CLYBL: variants seen among roughly 807,000 people sequenced by gnomAD.
CLYBL encodes the protein citramalyl-CoA lyase, also known as citramalyl-CoA lyase, mitochondrial.
A neutral mutation model predicts 38.9 loss-of-function variants in CLYBL; 31 were observed. The ratio of observed to expected loss-of-function variants is 0.80; its 90% CI spans 0.60 to 1.08. CLYBL has a LOEUF of 1.08. Ranked by LOEUF, CLYBL falls within the 50% of genes least tolerant of loss-of-function variation. CLYBL has a pLI of 0.00. For missense variants in CLYBL, 434 were observed against 411.6 expected, an observed-to-expected ratio of 1.05 and a Z score of -0.47; for synonymous variants, 171 against 158.6, an observed-to-expected ratio of 1.08 and a Z score of -0.59.
chr13:99,613,515 A>G (rs1037315690), intron 1 of CLYBL, among the ~76,000 whole-genome samples: 5 of 152,086 alleles, frequency 3.3e-5, no homozygotes, highest in Non-Finnish European at 7.4e-5. Context: ...TACCGTGACA[A>G]CCACTACTGT....
chr13:99,631,735 A>T (rs1329990833), intron 1 of CLYBL, among the ~76,000 whole-genome samples: 2 of 152,002 alleles, frequency 1.3e-5, no homozygotes, highest in Non-Finnish European at 2.9e-5. Flanking sequence ...AGTAGCTGAG[A>T]CTACAGGCAC....
rs1030113644 is a variant in CLYBL, at chr13:99,732,306, G to A, written c.63-40518G>A. ...CAAGCCATCAGTCTTCCACCTCAGC[G>A]TCCCCCACCAACAAGTAGCTGGGAC... On this transcript the variant is annotated intron_variant, in intron 1 of 8. Transcript: ENST00000339105. Among the ~76,000 whole-genome samples, 16 of 150,636 alleles carry A rather than the reference G, an allele frequency of 1.1e-4. 1 individual carries two copies. The highest frequency in any genetic ancestry group is 3.9e-4 in the African/African-American group (16 of 40,932).
intron 1 of CLYBL, among the ~76,000 whole-genome samples, chr13:99,615,425 A>AT (rs1444042342): frequency 6.6e-6 from 1 of 152,196 alleles, no homozygotes; most frequent in Non-Finnish European, 1.5e-5. Flanking sequence ...GTTTAATTAA[A>AT]TTTTTTAACA....
chr13:99,614,131 A>C (rs1196103802), intron 1 of CLYBL, among the ~76,000 whole-genome samples: 1 of 152,140 alleles, frequency 6.6e-6, no homozygotes, highest in East Asian at 1.9e-4. Flanking sequence ...GGATGAGTGC[A>C]GGGCAGGATA....
chr13:99,606,757 T>C lies in CLYBL; in HGVS notation c.62T>C (p.Leu21Pro), dbSNP rs1214919834. Residue 21 changes from leucine (L) to proline (P), a missense_variant and splice_region_variant, in exon 1 of 9, where the codon CTG becomes CCG. Transcript: ENST00000339105. ...GCTGCGGCGGCGGCGCTGCTGAGGC[T>C]GTGAGTGCAGGTCCCCGTTCCCCGC... ...RGAAAAALLR[L>P]KASLAADIPR... 4.1e-6 allele frequency: 6 copies of C among 1,472,642 alleles called. No individual in the cohort carries two copies. The highest frequency in any genetic ancestry group is 4.5e-6 in the Non-Finnish European group (5 of 1,116,926). 91.2% of individuals were successfully genotyped at this position (1,472,642 alleles called of 1,614,324 possible). A position where few individuals can be genotyped will look rare whatever the true frequency, so the allele number is the denominator to read the frequency against.
intron 1 of CLYBL, among the ~76,000 whole-genome samples, chr13:99,716,444 C>T (rs1164434874): frequency 6.8e-6 from 1 of 146,890 alleles, no homozygotes; most frequent in Non-Finnish European, 1.5e-5. Flanking sequence ...AGTGCAATGG[C>T]GCAATCTCGG....
intron 1 of CLYBL, among the ~76,000 whole-genome samples, chr13:99,620,459 C>G (rs17657201): frequency 0.11 from 16,821 of 152,186 alleles, 945 homozygotes; most frequent in East Asian, 0.17. Flanking sequence ...AGATGTGTAG[C>G]CCTTCTCAAG....
At chr13:99,695,122 A>G (rs1048246608) in intron 1 of CLYBL, among the ~76,000 whole-genome samples, 3 of 152,154 alleles carry the variant, frequency 2.0e-5, no homozygotes, top group Non-Finnish European at 4.4e-5. Context: ...TAAAAATAAA[A>G]TATTCATATT....
At chr13:99,827,449 CA>C (rs1305770802) in intron 2 of CLYBL, among the ~76,000 whole-genome samples, 8 of 152,134 alleles carry the variant, frequency 5.3e-5, no homozygotes, top group Non-Finnish European at 1.2e-4. Context: ...CACAGTCACA[CA>C]AAAAAGTCCC....
At chr13:99,636,330 T>G (rs2047017275) in intron 1 of CLYBL, among the ~76,000 whole-genome samples, 1 of 152,230 alleles carries the variant, frequency 6.6e-6, no homozygotes. Context: ...ACCAAGGTCT[T>G]AAAGTCCTGG....
chr13:99,870,839 A>G (rs1594235665), intron 6 of CLYBL, 99 bp from the exon 7 acceptor site: 1 of 1,200,716 alleles, frequency 8.3e-7, no homozygotes, highest in Non-Finnish European at 1.2e-6. Flanking sequence ...TATTTAACAT[A>G]CAGTCTATGA....
At chr13:99,638,906 A>G (rs922596170) in intron 1 of CLYBL, among the ~76,000 whole-genome samples, 2 of 152,222 alleles carry the variant, frequency 1.3e-5, no homozygotes, top group African/African-American at 4.8e-5. Context: ...GAAGGGGGAT[A>G]GAACTTCCCC....
intron 2 of CLYBL, among the ~76,000 whole-genome samples, chr13:99,774,299 C>T (rs2049463853): frequency 6.6e-6 from 1 of 152,140 alleles, no homozygotes; most frequent in African/African-American, 2.4e-5. Flanking sequence ...TACTGCGTGA[C>T]TGTATAGTAG....
chr13:99,847,322 G>C (rs1324369282), intron 2 of CLYBL, among the ~76,000 whole-genome samples: 1 of 152,194 alleles, frequency 6.6e-6, no homozygotes, highest in Non-Finnish European at 1.5e-5. Flanking sequence ...CTAGGTACGA[G>C]GTCCTTTGAT....
chr13:99,669,220 T>C (rs1005063930), intron 1 of CLYBL, among the ~76,000 whole-genome samples: 1 of 152,056 alleles, frequency 6.6e-6, no homozygotes. Context: ...ACCAGGATGC[T>C]CTCGAGCTCT....
chr13:99,826,879 G>C (rs547365663), intron 2 of CLYBL, among the ~76,000 whole-genome samples: 2 of 152,226 alleles, frequency 1.3e-5, no homozygotes, highest in Middle Eastern at 3.4e-3. Flanking sequence ...GAGTTGTCTC[G>C]GGGCCCGAGG....
At chr13:99,882,341 A>G (rs972470549) in intron 7 of CLYBL, among the ~76,000 whole-genome samples, 2 of 152,164 alleles carry the variant, frequency 1.3e-5, no homozygotes, top group African/African-American at 2.4e-5. Context: ...CTTCTGTACT[A>G]TAGGTGAGAA....
intron 1 of CLYBL, among the ~76,000 whole-genome samples, chr13:99,628,090 A>T (rs1461337431): frequency 6.6e-6 from 1 of 152,224 alleles, no homozygotes; most frequent in Non-Finnish European, 1.5e-5. Context: ...AGTTAGCACG[A>T]TCACTTCTCC....
chr13:99,817,668 AAAAAAG>A (rs1350300051), intron 2 of CLYBL, among the ~76,000 whole-genome samples: 6 of 149,606 alleles, frequency 4.0e-5, no homozygotes, highest in East Asian at 3.9e-4. Flanking sequence ...AAAAAAAAAA[AAAAAAG>A]AAAAGAAAAA....
Sources: gnomAD v4.1 joint callset for allele counts (sites outside exome capture counted in the v4.1 genomes callset) on GRCh38, gnomAD v4.1.1 for gene constraint, MANE v1.5 for transcripts, NCBI Gene and HGNC (gene_info 2026-07-23, HGNC 2026-07-21) for gene names.